TPMT: variants seen among roughly 807,000 people sequenced by gnomAD.
TPMT encodes S-adenosyl-L-methionine:thiopurine S-methyltransferase.
In TPMT, 18 loss-of-function variants were observed where a neutral mutation model predicts 34.2. The observed-to-expected ratio is 0.53, with a 90% confidence interval of 0.36 to 0.78. The LOEUF is 0.78. TPMT is among the 30% of genes least tolerant of loss of function. TPMT has a pLI of 0.00. For missense variants in TPMT, 265 were observed against 288.1 expected, an observed-to-expected ratio of 0.92 and a Z score of 0.58; for synonymous variants, 69 against 92.4, an observed-to-expected ratio of 0.75 and a Z score of 1.45.
chr6:18,149,163 C>T lies in TPMT; in HGVS notation c.-36G>A, dbSNP rs369346510. The stretch of plus-strand genomic sequence containing the variant: ...ACACCTTTGTCTCACAAGCATATGT[C>T]TTCCGTGCCTACGTGGAAAATATTT... On this transcript the variant is annotated 5_prime_UTR_variant, in exon 2 of 9. Transcript: ENST00000309983. The surrounding 1 kb of genome is among the most constrained non-coding windows in gnomAD (Gnocchi z 5.0). 3.7e-6 allele frequency: 6 copies of T among 1,613,696 alleles called. No homozygotes were observed. The African/African-American group carries it at 6.7e-5, about 18-fold the overall frequency.
chr6:18,151,293 C>T (rs1784350326), intron 1 of TPMT, among the ~76,000 whole-genome samples: 1 of 150,192 alleles, frequency 6.7e-6, no homozygotes, highest in Non-Finnish European at 1.5e-5. Context: ...TAGTGAGACT[C>T]CATCTCTACA....
At chr6:18,134,043 A>G (rs1783996770) in intron 6 of TPMT, among the ~76,000 whole-genome samples, 154 bp from the exon 7 acceptor site, 1 of 152,258 alleles carries the variant, frequency 6.6e-6, no homozygotes, top group Non-Finnish European at 1.5e-5. Context: ...CTCATTTTAA[A>G]AGTGAGAAAT....
In TPMT at chr6:18,148,522, T is replaced by C. The variant is rs1385725628; in HGVS notation, c.140+466A>G. Reference sequence around the variant, plus strand: ...TTATTGCTGCTATGAAGACTACTACTACATTGCACAACATCCTAACTCACT... The same window carrying C: ...TTATTGCTGCTATGAAGACTACTACCACATTGCACAACATCCTAACTCACT... On this transcript the variant is annotated intron_variant, in intron 2 of 8. Coordinates refer to ENST00000309983, the MANE Select transcript of TPMT (RefSeq NM_000367.5). The surrounding 1 kb of genome is among the most constrained non-coding windows in gnomAD (Gnocchi z 4.1). Among the ~76,000 whole-genome samples the C allele has an allele frequency of 6.6e-6, 1 of 152,210 alleles. No homozygotes were observed. Among genetic ancestry groups the C allele is most frequent in the Non-Finnish European group, 1.5e-5 (1 of 68,030 alleles).
At chr6:18,144,175 A>G (rs1784204526) in intron 3 of TPMT, among the ~76,000 whole-genome samples, 1 of 152,176 alleles carries the variant, frequency 6.6e-6, no homozygotes, top group Non-Finnish European at 1.5e-5. Flanking sequence ...GTGATTGAGG[A>G]ACTGAATTTT....
intron 1 of TPMT, among the ~76,000 whole-genome samples, chr6:18,152,190 G>A (rs12665282): frequency 0.059 from 9,032 of 152,244 alleles, 403 homozygotes; most frequent in South Asian, 0.16. Context: ...TGGGGATTCT[G>A]TATTGCAAAC....
rs931777037 is a variant in TPMT at position 18,138,730 on chromosome 6, C to T, written c.494+233G>A. Among the ~76,000 whole-genome samples, 7 of 152,160 alleles carry T rather than the reference C, an allele frequency of 4.6e-5. No individual in the cohort carries two copies. The highest frequency in any genetic ancestry group is 2.6e-4 in the Admixed American group (4 of 15,274). On this transcript the variant is annotated intron_variant, in intron 6 of 8. Transcript: ENST00000309983. The surrounding 1 kb of genome is among the most constrained non-coding windows in gnomAD (Gnocchi z 4.1). ...AGAAGTTGAATACTTGGACCAAGGCCACACAGCTTGAAAGTGATTGAGCCA... is the reference window on the plus strand; with the variant it reads ...AGAAGTTGAATACTTGGACCAAGGCTACACAGCTTGAAAGTGATTGAGCCA...
At position 18,143,559 on chromosome 6, in the gene TPMT, G is replaced by T; in HGVS notation, c.366+37C>A. On this transcript the variant is annotated intron_variant, in intron 4 of 8. Transcript: ENST00000309983. This position sits in a 1 kb window ranked among gnomAD's most constrained non-coding sequence, Gnocchi z 6.1. The stretch of plus-strand genomic sequence containing the variant: ...TCACACTGAGAAAAACTTTTGTGGG[G>T]ATATGGATACAATTATTTACCCAAA... 1 of 1,611,276 alleles carries T rather than the reference G, an allele frequency of 6.2e-7. No homozygotes were observed. Among genetic ancestry groups the T allele is most frequent in the Non-Finnish European group, 8.5e-7 (1 of 1,179,684 alleles).
upstream of TPMT, chr6:18,155,155 GCCCGCGCCCCGCCTC>G (rs1784478783): frequency 2.4e-5 from 1 of 40,872 alleles, no homozygotes; most frequent in Non-Finnish European, 5.3e-5. The surrounding 1 kb of genome is among the most constrained non-coding windows in gnomAD (Gnocchi z 6.2). Context: ...CCCCGCCTCC[GCCCGCGCCCCGCCTC>G]CGCCCGCGCC....
chr6:18,139,964 T>TCGA lies in TPMT; in HGVS notation c.367-248_367-247insTCG. On this transcript the variant is annotated intron_variant, in intron 4 of 8. Transcript: ENST00000309983. This position sits in a 1 kb window ranked among gnomAD's most constrained non-coding sequence, Gnocchi z 4.2. ...ACAACTTTGAAGATCAGTTGGCTGTTACTCACTTCAGAGCTTGCTATAAAA... is the reference window on the plus strand; with the variant it reads ...ACAACTTTGAAGATCAGTTGGCTGTTCGAACTCACTTCAGAGCTTGCTATAAAA... 6.6e-6 allele frequency among the ~76,000 whole-genome samples: 1 copy of TCGA among 152,322 alleles called. No individual in the cohort carries two copies. The highest frequency in any genetic ancestry group is 2.4e-5 in the African/African-American group (1 of 41,570).
At position 18,130,828 on chromosome 6, in the gene TPMT, C is replaced by T; in HGVS notation, c.626-48G>A. The T allele has an allele frequency of 6.7e-7, 1 of 1,489,066 alleles. No homozygotes were observed. Among genetic ancestry groups the T allele is most frequent in the Non-Finnish European group, 9.4e-7 (1 of 1,067,942 alleles). 92.2% of individuals were successfully genotyped at this position (1,489,066 alleles called of 1,614,324 possible). ...GTTAAAATACTATGAAGAATGACAT[C>T]AGGGATTCTTTTAAAAATACTCAAA... On this transcript the variant is annotated intron_variant, in intron 8 of 8. Coordinates refer to ENST00000309983, the MANE Select transcript of TPMT (RefSeq NM_000367.5). This position sits in a 1 kb window ranked among gnomAD's most constrained non-coding sequence, Gnocchi z 4.2.
Position 18,154,289 on chromosome 6 carries a change from T to A in TPMT, c.-45+744A>T, listed in dbSNP as rs1353695109. Among the ~76,000 whole-genome samples, 1 of 151,518 alleles carries A rather than the reference T, an allele frequency of 6.6e-6. No homozygotes were observed. The highest frequency in any genetic ancestry group is 1.5e-5 in the Non-Finnish European group (1 of 67,884). ...AAGGAAGGGAAATTTCACAAAAATT[T>A]CTGCCCACAAACAAAGTCCTCAAGT... On this transcript the variant is annotated intron_variant, in intron 1 of 8. Coordinates refer to ENST00000309983, the MANE Select transcript of TPMT (RefSeq NM_000367.5). This position sits in a 1 kb window ranked among gnomAD's most constrained non-coding sequence, Gnocchi z 4.2.
chr6:18,132,367 T>C lies in TPMT; in HGVS notation c.581-190A>G, dbSNP rs1331134116. ...CAATGTTACATCCCCATCATATCCA[T>C]CTTTAGCTTAGATGAGACAGCTAAA... is the stretch of plus-strand genomic sequence containing the variant. On this transcript the variant is annotated intron_variant, in intron 7 of 8. Coordinates refer to ENST00000309983, the MANE Select transcript of TPMT (RefSeq NM_000367.5). The surrounding 1 kb of genome is among the most constrained non-coding windows in gnomAD (Gnocchi z 4.8). Among the ~76,000 whole-genome samples, 1 of 152,210 alleles carries C rather than the reference T, an allele frequency of 6.6e-6. No homozygotes were observed. Among genetic ancestry groups the C allele is most frequent in the South Asian group, 2.1e-4 (1 of 4,836 alleles).
intron 7 of TPMT, among the ~76,000 whole-genome samples, chr6:18,133,302 C>T (rs1377215464): frequency 1.3e-5 from 2 of 152,062 alleles, no homozygotes; most frequent in African/African-American, 2.4e-5. Context: ...AGATTCAAAA[C>T]AAATAAAAGA....
chr6:18,147,993 T>C, intron 2 of TPMT, 78 bp from the exon 3 acceptor site: 1 of 1,107,196 alleles, frequency 9.0e-7, no homozygotes, highest in Non-Finnish European at 1.4e-6. Flanking sequence ...TCACTTAATA[T>C]TCCCAACAAC....
At chr6:18,147,993 T>G in intron 2 of TPMT, 78 bp from the exon 3 acceptor site, 1 of 1,107,190 alleles carries the variant, frequency 9.0e-7, no homozygotes, top group South Asian at 1.3e-5. Context: ...TCACTTAATA[T>G]TCCCAACAAC....
At chr6:18,147,798 T>A (rs764619376) in intron 3 of TPMT, 25 bp downstream of exon 3, 1 of 1,595,040 alleles carries the variant, frequency 6.3e-7, no homozygotes, top group Non-Finnish European at 8.6e-7. Flanking sequence ...GCAAGATAAT[T>A]CTGTTAATGT....
chr6:18,138,917 T>C lies in TPMT; in HGVS notation c.494+46A>G. The stretch of plus-strand genomic sequence containing the variant: ...TCTAGAACCCAGAAAAAGTATAGTA[T>C]ACTAAAAAATTAAGACAGCTAAACA... On this transcript the variant is annotated intron_variant, in intron 6 of 8. Coordinates refer to ENST00000309983, the MANE Select transcript of TPMT (RefSeq NM_000367.5). This position sits in a 1 kb window ranked among gnomAD's most constrained non-coding sequence, Gnocchi z 4.1. 6.7e-7 allele frequency: 1 copy of C among 1,489,194 alleles called. No homozygotes were observed. Among genetic ancestry groups the C allele is most frequent in the African/African-American group, 1.4e-5 (1 of 72,182 alleles). The allele number at this position is 1,489,194 out of a possible 1,614,324, so 92.2% of individuals were successfully genotyped here.
At position 18,135,572 on chromosome 6, in the gene TPMT, T is replaced by C. The variant is rs1784028324; in HGVS notation, c.495-1683A>G. Among the ~76,000 whole-genome samples the C allele has an allele frequency of 6.6e-6, 1 of 152,126 alleles. No individual in the cohort carries two copies. Among genetic ancestry groups the C allele is most frequent in the Non-Finnish European group, 1.5e-5 (1 of 68,022 alleles). ...CTAAGATACTAAGTACCAGCACATA[T>C]ATAAAATACTAACATAAGGCTGGGC... On this transcript the variant is annotated intron_variant, in intron 6 of 8. Coordinates refer to ENST00000309983, the MANE Select transcript of TPMT (RefSeq NM_000367.5). The surrounding 1 kb of genome is among the most constrained non-coding windows in gnomAD (Gnocchi z 5.0).
rs950420437 is a variant in TPMT, at chr6:18,137,822, G to T, written c.494+1141C>A. Reference sequence around the variant, plus strand: ...TTTTTTGAAATGGAGGGTCGCTCTTGTCGTCCAGGCTGGAGTGCAATGGCG... The same window carrying T: ...TTTTTTGAAATGGAGGGTCGCTCTTTTCGTCCAGGCTGGAGTGCAATGGCG... On this transcript the variant is annotated intron_variant, in intron 6 of 8. Coordinates refer to ENST00000309983, the MANE Select transcript of TPMT (RefSeq NM_000367.5). 2.6e-5 allele frequency among the ~76,000 whole-genome samples: 4 copies of T among 152,188 alleles called. No homozygotes were observed. The East Asian group carries it at 7.7e-4, about 29-fold the overall frequency.
Sources: gnomAD v4.1 joint callset for allele counts (sites outside exome capture counted in the v4.1 genomes callset) on GRCh38, gnomAD v4.1.1 for gene constraint, Gnocchi (gnomAD v3.1) non-coding constraint, MANE v1.5 for transcripts, NCBI Gene and HGNC (gene_info 2026-07-23, HGNC 2026-07-21) for gene names.